The following DLGAP1 variants were observed in gnomAD, a reference collection of about 807,000 sequenced individuals.
The protein encoded by DLGAP1 is disks large-associated protein 1.
DLGAP1 carries 11 observed loss-of-function variants against 90.8 expected under a neutral mutation model. The ratio of observed to expected loss-of-function variants is 0.12; its 90% CI spans 0.08 to 0.20. The LOEUF is 0.20. Among genes scored for constraint, DLGAP1 ranks in the 10% least tolerant of loss-of-function variants. The pLI, the probability that DLGAP1 is intolerant of heterozygous loss-of-function variation, is 1.00. For missense variants in DLGAP1, 1,050 were observed against 1,333.8 expected, an observed-to-expected ratio of 0.79 and a Z score of 3.31; for synonymous variants, 558 against 540.7, an observed-to-expected ratio of 1.03 and a Z score of -0.44.
rs1044528212 is a variant in DLGAP1 at position 3,653,689 on chromosome 18, G to T, written c.1592-71441C>A. On this transcript the variant is annotated intron_variant, in intron 7 of 12. Coordinates refer to ENST00000315677, the MANE Select transcript of DLGAP1 (RefSeq NM_004746.4). This position sits in a 1 kb window ranked among gnomAD's most constrained non-coding sequence, Gnocchi z 4.6. ...TTTGACAATTATTTTTCCTTGAAAA[G>T]AATAAGAGAATCTACCTAAAATATT... The T allele has an allele frequency of 4.6e-5, 7 of 152,108 alleles. No homozygotes were observed. The highest frequency in any genetic ancestry group is 2.6e-4 in the Admixed American group (4 of 15,258). 9.4% of individuals were successfully genotyped at this position (152,108 alleles called of 1,614,324 possible).
chr18:4,255,658 T>C (rs2078874284), intron 1 of DLGAP1, among the ~76,000 whole-genome samples: 1 of 152,032 alleles, frequency 6.6e-6, no homozygotes, highest in African/African-American at 2.4e-5. Flanking sequence ...TATCCTGAAA[T>C]CTGGGCTATT....
intron 1 of DLGAP1, among the ~76,000 whole-genome samples, chr18:4,192,623 T>C (rs187145787): frequency 1.0e-3 from 159 of 152,332 alleles, no homozygotes; most frequent in Non-Finnish European, 1.6e-3. Context: ...ATAACAATAT[T>C]ATGTGCCCCT....
chr18:4,034,318 G>A lies in DLGAP1; in HGVS notation c.-158-29117C>T, dbSNP rs1030036397. ...TGGCCTCCCAAAGGGCTGGGATTAC[G>A]GACATAAGCCACTGCGCCCGGCTGC... On this transcript the variant is annotated intron_variant, in intron 2 of 12. Coordinates refer to ENST00000315677, the MANE Select transcript of DLGAP1 (RefSeq NM_004746.4). Among the ~76,000 whole-genome samples the A allele has an allele frequency of 7.9e-5, 12 of 152,082 alleles. No homozygotes were observed. In the East Asian group the frequency reaches 1.7e-3, roughly 22 times the overall value.
chr18:3,741,489 T>C (rs946620063), intron 6 of DLGAP1, among the ~76,000 whole-genome samples: 9 of 147,672 alleles, frequency 6.1e-5, no homozygotes, highest in Non-Finnish European at 1.3e-4. Flanking sequence ...TCACTACCAC[T>C]ACCACTGCCA....
intron 5 of DLGAP1, among the ~76,000 whole-genome samples, chr18:3,777,694 A>G (rs2064999969): frequency 6.6e-6 from 1 of 152,210 alleles, no homozygotes; most frequent in Non-Finnish European, 1.5e-5. Context: ...AGTATGTTTC[A>G]ATTCTGAAAG....
At chr18:3,772,348 CTTTCTTTCTT>C (rs1357507695) in intron 5 of DLGAP1, among the ~76,000 whole-genome samples, 1 of 2,232 alleles carries the variant, frequency 4.5e-4, no homozygotes, top group Non-Finnish European at 1.1e-3. Flanking sequence ...CTCTCTCTCT[CTTTCTTTCTT>C]TCTTTCTTTC....
chr18:4,054,949 A>G (rs1472265662), intron 2 of DLGAP1, among the ~76,000 whole-genome samples: 1 of 152,234 alleles, frequency 6.6e-6, no homozygotes, highest in Non-Finnish European at 1.5e-5. Flanking sequence ...ATCAAATTTT[A>G]TGATTTAGAT....
chr18:3,863,872 A>G (rs537300701), intron 4 of DLGAP1, among the ~76,000 whole-genome samples: 6 of 152,338 alleles, frequency 3.9e-5, no homozygotes, highest in African/African-American at 1.2e-4. Flanking sequence ...AATGCTGCCC[A>G]GAGGTTAAAT....
chr18:3,822,430 A>G (rs898223154), intron 4 of DLGAP1, among the ~76,000 whole-genome samples: 3 of 152,218 alleles, frequency 2.0e-5, no homozygotes, highest in Non-Finnish European at 4.4e-5. Flanking sequence ...AAATACACCA[A>G]AAGCATTTTA....
intron 4 of DLGAP1, among the ~76,000 whole-genome samples, chr18:3,825,022 C>G (rs1470612021): frequency 6.6e-6 from 1 of 152,146 alleles, no homozygotes; most frequent in South Asian, 2.1e-4. Flanking sequence ...GTACTTTAAG[C>G]TACGTTTCAA....
rs34299932 is a variant in DLGAP1 at position 4,177,351 on chromosome 18, AACACACACACACACACAC to A, written c.-266-26082_-266-26065del. 4.3e-3 allele frequency among the ~76,000 whole-genome samples: 605 copies of A among 141,654 alleles called. 10 individuals are homozygous for A. The highest frequency in any genetic ancestry group is 0.015 in the African/African-American group (566 of 38,716). The allele number at this position is 141,654 out of a possible 152,430, so 92.9% of individuals were successfully genotyped here. A position where few individuals can be genotyped will look rare whatever the true frequency, so the allele number is the denominator to read the frequency against. On this transcript the variant is annotated intron_variant, in intron 1 of 12. Transcript: ENST00000315677. ...AATACATATGCCTTGACTTTCTTTG[AACACACACACACACACAC>A]ACACACACACACACACACACACACA...
chr18:4,070,440 C>T (rs187324466), intron 2 of DLGAP1, among the ~76,000 whole-genome samples: 18 of 152,150 alleles, frequency 1.2e-4, no homozygotes, highest in Non-Finnish European at 2.6e-4. Context: ...GATTAATCAA[C>T]ATCTGAAAAG....
intron 7 of DLGAP1, among the ~76,000 whole-genome samples, chr18:3,609,088 C>T (rs1275994336): frequency 6.6e-6 from 1 of 152,120 alleles, no homozygotes; most frequent in Non-Finnish European, 1.5e-5. Flanking sequence ...CTCGGCCTCC[C>T]AAAGTGCTGG....
chr18:3,716,924 T>A (rs918082894), intron 7 of DLGAP1, among the ~76,000 whole-genome samples: 2 of 150,910 alleles, frequency 1.3e-5, no homozygotes, highest in African/African-American at 2.4e-5. Context: ...AGGCCAGGAG[T>A]TCAAGACCAG....
At chr18:3,874,095 A>T in intron 4 of DLGAP1, 1 of 1,546,208 alleles carries the variant, frequency 6.5e-7, no homozygotes, top group Non-Finnish European at 8.7e-7. Flanking sequence ...CACAAAAACC[A>T]TCCAAATCAA....
intron 1 of DLGAP1, among the ~76,000 whole-genome samples, chr18:4,298,066 G>A (rs1281983200): frequency 6.6e-6 from 1 of 152,056 alleles, no homozygotes; most frequent in Non-Finnish European, 1.5e-5. Context: ...AACTGTGCAA[G>A]GCTAACCTGT....
intron 2 of DLGAP1, among the ~76,000 whole-genome samples, chr18:4,139,280 G>T: frequency 6.6e-6 from 1 of 151,618 alleles, no homozygotes; most frequent in South Asian, 2.1e-4. Context: ...TCCTTTTAGC[G>T]CTGCTTTCGC....
intron 5 of DLGAP1, among the ~76,000 whole-genome samples, chr18:3,760,425 C>A (rs1408763103): frequency 6.6e-6 from 1 of 152,140 alleles, no homozygotes. Flanking sequence ...GAATTAGTTT[C>A]TTTTTTTGGG....
intron 12 of DLGAP1, among the ~76,000 whole-genome samples, chr18:3,501,103 C>G (rs995631988): frequency 6.6e-6 from 1 of 151,738 alleles, no homozygotes; most frequent in Non-Finnish European, 1.5e-5. Flanking sequence ...TTTGTAGAGA[C>G]GGCGTTTCAC....
Sources: allele counts gnomAD v4.1 joint callset (sites outside exome capture counted in the v4.1 genomes callset), GRCh38; gene constraint gnomAD v4.1.1; non-coding constraint Gnocchi (gnomAD v3.1); transcripts MANE v1.5; gene names NCBI Gene and HGNC (gene_info 2026-07-23, HGNC 2026-07-21).